NKAIN2: variants seen among roughly 807,000 people sequenced by gnomAD.
The protein encoded by NKAIN2 is sodium/potassium transporting ATPase interacting 2, also known as sodium/potassium-transporting ATPase subunit beta-1-interacting protein 2.
In NKAIN2, 14 loss-of-function variants were observed where a neutral mutation model predicts 32.6. The observed-to-expected ratio is 0.43, with a 90% CI of 0.28 to 0.67. The LOEUF is 0.67. Among genes scored for constraint, NKAIN2 ranks in the 30% least tolerant of loss-of-function variants. The pLI is 0.17. For missense variants in NKAIN2, 198 were observed against 258.3 expected (o/e 0.77, Z 1.60); for synonymous variants, 80 against 87.2 (o/e 0.92, Z 0.46).
intron 1 of NKAIN2, among the ~76,000 whole-genome samples, chr6:124,046,823 C>G (rs17086523): frequency 0.014 from 2,069 of 151,868 alleles, 46 homozygotes; most frequent in African/African-American, 0.047. Flanking sequence ...TGATGAACAC[C>G]ATAGAACTGG....
chr6:124,298,196 T>C (rs1045848282), intron 2 of NKAIN2, among the ~76,000 whole-genome samples: 4 of 152,218 alleles, frequency 2.6e-5, no homozygotes, highest in Non-Finnish European at 5.9e-5. Flanking sequence ...TGAAATATTT[T>C]TCTGAATAGG....
chr6:124,011,040 C>G (rs914257553), intron 1 of NKAIN2, among the ~76,000 whole-genome samples: 2 of 152,112 alleles, frequency 1.3e-5, no homozygotes, highest in African/African-American at 4.8e-5. Context: ...TGGTTAAACT[C>G]ATTTTGACCA....
intron 1 of NKAIN2, among the ~76,000 whole-genome samples, chr6:124,135,515 T>A (rs1445904877): frequency 4.0e-5 from 4 of 100,404 alleles, no homozygotes; most frequent in East Asian, 3.0e-4. Context: ...GCAACGATAG[T>A]AAAAAAAAAA....
At chr6:123,932,235 A>G (rs1285221724) in intron 1 of NKAIN2, among the ~76,000 whole-genome samples, 4 of 151,874 alleles carry the variant, frequency 2.6e-5, no homozygotes, top group Non-Finnish European at 5.9e-5. Flanking sequence ...TCTTTCCTTC[A>G]GAGATTTTAT....
intron 1 of NKAIN2, among the ~76,000 whole-genome samples, chr6:123,986,701 C>T (rs1014999427): frequency 3.9e-5 from 6 of 152,140 alleles, no homozygotes; most frequent in African/African-American, 1.4e-4. Flanking sequence ...AGGTAATTCC[C>T]ATTCACATCT....
intron 4 of NKAIN2, among the ~76,000 whole-genome samples, chr6:124,785,634 C>T (rs1214384939): frequency 6.6e-6 from 1 of 152,090 alleles, no homozygotes; most frequent in Non-Finnish European, 1.5e-5. Flanking sequence ...TCCATTGAGA[C>T]TTAAGGTGGG....
chr6:124,331,379 A>C (rs13198815), intron 2 of NKAIN2, among the ~76,000 whole-genome samples: 15 of 126,738 alleles, frequency 1.2e-4, no homozygotes, highest in African/African-American at 3.4e-4. Flanking sequence ...AAAAAAAAAA[A>C]CTAGCTGGGC....
intron 2 of NKAIN2, among the ~76,000 whole-genome samples, chr6:124,353,780 G>A (rs1043674114): frequency 6.6e-6 from 1 of 152,090 alleles, no homozygotes; most frequent in African/African-American, 2.4e-5. Context: ...ACAGAGGTGG[G>A]AAATAACTTT....
At chr6:124,478,007 T>A (rs1451552573) in intron 3 of NKAIN2, among the ~76,000 whole-genome samples, 2 of 151,868 alleles carry the variant, frequency 1.3e-5, no homozygotes, top group African/African-American at 4.8e-5. Context: ...GGGGATTCTG[T>A]CCTGCCACAC....
intron 1 of NKAIN2, among the ~76,000 whole-genome samples, chr6:124,280,356 T>A (rs113018022): frequency 5.4e-4 from 83 of 152,312 alleles, no homozygotes; most frequent in African/African-American, 1.8e-3. Flanking sequence ...CAGCATGGTC[T>A]CTACTATATA....
intron 4 of NKAIN2, among the ~76,000 whole-genome samples, chr6:124,784,757 T>C (rs549437744): frequency 4.6e-4 from 70 of 152,122 alleles, no homozygotes; most frequent in African/African-American, 1.4e-3. Context: ...TGTGTAGGAG[T>C]GCAATTGCTG....
At chr6:124,698,697 G>T (rs1415644281) in intron 4 of NKAIN2, among the ~76,000 whole-genome samples, 1 of 152,064 alleles carries the variant, frequency 6.6e-6, no homozygotes, top group Non-Finnish European at 1.5e-5. Context: ...TGTAATTTAT[G>T]TATTGTGTTT....
At chr6:124,516,866 C>G (rs1324971642) in intron 3 of NKAIN2, among the ~76,000 whole-genome samples, 2 of 152,240 alleles carry the variant, frequency 1.3e-5, no homozygotes, top group South Asian at 2.1e-4. Context: ...GGCTTTACTC[C>G]TTTGCTCAAA....
chr6:124,187,951 C>A (rs1789825260), intron 1 of NKAIN2, among the ~76,000 whole-genome samples: 1 of 152,150 alleles, frequency 6.6e-6, no homozygotes, highest in South Asian at 2.1e-4. Context: ...GAAACACTCT[C>A]AAAATGAAAT....
chr6:124,554,873 G>A (rs891499621), intron 3 of NKAIN2, among the ~76,000 whole-genome samples: 10 of 152,178 alleles, frequency 6.6e-5, no homozygotes, highest in African/African-American at 2.4e-4. Flanking sequence ...ACACTGGTCT[G>A]TGAGCTACAA....
chr6:124,451,453 C>T (rs967130896), intron 3 of NKAIN2, among the ~76,000 whole-genome samples: 1 of 152,146 alleles, frequency 6.6e-6, no homozygotes, highest in African/African-American at 2.4e-5. Context: ...GGAGGCTTTA[C>T]TCCTCTGATT....
chr6:124,043,628 C>T (rs2114815415), intron 1 of NKAIN2, among the ~76,000 whole-genome samples: 1 of 152,162 alleles, frequency 6.6e-6, no homozygotes, highest in African/African-American at 2.4e-5. Context: ...CTTGCCAAAA[C>T]ACCTGTCAGA....
At chr6:124,140,650 G>A (rs1187643352) in intron 1 of NKAIN2, among the ~76,000 whole-genome samples, 1 of 152,014 alleles carries the variant, frequency 6.6e-6, no homozygotes, top group Non-Finnish European at 1.5e-5. Context: ...CTCAAATAAG[G>A]TATCTGCACC....
chr6:124,486,395 A>G (rs6916483), intron 3 of NKAIN2, among the ~76,000 whole-genome samples: 54,208 of 152,014 alleles, frequency 0.36, 10,082 homozygotes, highest in South Asian at 0.48. Context: ...CTTTATTTTT[A>G]ATGTATGAAA....
Sources: allele counts gnomAD v4.1 joint callset (sites outside exome capture counted in the v4.1 genomes callset), GRCh38; gene constraint gnomAD v4.1.1; transcripts MANE v1.5; gene names NCBI Gene and HGNC (gene_info 2026-07-23, HGNC 2026-07-21).